Variants in PI4KA observed in about 807,000 individuals in gnomAD.
The protein encoded by PI4KA is PI4-kinase alpha.
PI4KA carries 122 observed loss-of-function variants against 271.4 expected under a neutral mutation model. The observed-to-expected ratio is 0.45, with a 90% CI of 0.39 to 0.52. The LOEUF (loss-of-function observed/expected upper bound fraction) is 0.52, where lower values mean the gene tolerates loss of function less well. PI4KA is among the 20% of genes least tolerant of loss of function. PI4KA has a pLI of 0.00. For synonymous variants in PI4KA, 1,041 were observed against 1,078.8 expected, an observed-to-expected ratio of 0.96 and a Z score of 0.69; for missense variants, 1,969 against 2,769.1, an observed-to-expected ratio of 0.71 and a Z score of 6.48.
intron 9 of PI4KA, among the ~76,000 whole-genome samples, chr22:20,808,031 C>T (rs1304478149): frequency 6.6e-6 from 1 of 152,088 alleles, no homozygotes; most frequent in African/African-American, 2.4e-5. Context: ...TGGCTCACGC[C>T]TGTAATCCCA....
chr22:20,775,771 T>G (rs951612757), intron 19 of PI4KA, among the ~76,000 whole-genome samples: 2 of 152,198 alleles, frequency 1.3e-5, no homozygotes, highest in Admixed American at 6.5e-5. Context: ...ATTACAGGTG[T>G]GAGCCCCTAT....
chr22:20,739,523 T>C (rs1053362094), intron 32 of PI4KA, among the ~76,000 whole-genome samples: 1 of 146,980 alleles, frequency 6.8e-6, no homozygotes, highest in Admixed American at 6.8e-5. Context: ...TCTGGGAAAA[T>C]ATACAGCAGT....
At chr22:20,811,631 C>T (rs1159190340) in intron 8 of PI4KA, among the ~76,000 whole-genome samples, 1 of 148,768 alleles carries the variant, frequency 6.7e-6, no homozygotes, top group Non-Finnish European at 1.5e-5. Flanking sequence ...AAACTGCCCA[C>T]ATCCACAATT....
chr22:20,824,442 T>C (rs754563678), intron 3 of PI4KA, 28 bp from the exon 4 acceptor site: 2 of 1,532,616 alleles, frequency 1.3e-6, no homozygotes, highest in Non-Finnish European at 1.8e-6. Context: ...ATAAATCAGA[T>C]AACCAGGAAC....
chr22:20,828,274 T>C (rs1188858512), intron 3 of PI4KA, among the ~76,000 whole-genome samples: 1 of 152,198 alleles, frequency 6.6e-6, no homozygotes, highest in Non-Finnish European at 1.5e-5. Context: ...TAGGGTTTTC[T>C]AGGTATAAAA....
chr22:20,788,922 T>C (rs1174860115), intron 19 of PI4KA, among the ~76,000 whole-genome samples: 1 of 152,200 alleles, frequency 6.6e-6, no homozygotes, highest in Non-Finnish European at 1.5e-5. Flanking sequence ...TCCTTTGCCA[T>C]GTCTGTCCCA....
At chr22:20,810,677 A>G (rs1935951332) in intron 9 of PI4KA, among the ~76,000 whole-genome samples, 1 of 152,122 alleles carries the variant, frequency 6.6e-6, no homozygotes, top group African/African-American at 2.4e-5. Context: ...CCCAGCTCCC[A>G]CAGTAACTAT....
chr22:20,753,807 C>G (rs1568991351), intron 23 of PI4KA, among the ~76,000 whole-genome samples: 1 of 152,148 alleles, frequency 6.6e-6, no homozygotes, highest in Non-Finnish European at 1.5e-5. Context: ...CTGCCTCAGC[C>G]TCCTGAGCAG....
Position 20,858,672 on chromosome 22 carries a change from G to A in PI4KA, c.54C>T (p.Gly18=). The change falls in exon 1 of 55, where the codon GGC becomes GGT. Residue 18 remains glycine (G), a synonymous_variant. Transcript: ENST00000255882. ...GGGGGGGGGG[G]CSGSGSSASR... Reference sequence around the variant, plus strand: ...AGGCGCTGGAGCCGGAGCCGGAGCAGCCGCCGCCGCCTCCGCCTCCGCCTC... The same window carrying A: ...AGGCGCTGGAGCCGGAGCCGGAGCAACCGCCGCCGCCTCCGCCTCCGCCTC... The A allele has an allele frequency of 6.8e-7, 1 of 1,468,992 alleles. No individual in the cohort carries two copies. The highest frequency in any genetic ancestry group is 1.3e-5 in the South Asian group (1 of 77,286). 91.0% of individuals were successfully genotyped at this position (1,468,992 alleles called of 1,614,324 possible).
Position 20,824,331 on chromosome 22 carries a change from C to G in PI4KA, c.451G>C (p.Asp151His), listed in dbSNP as rs1486186856. The G allele has an allele frequency of 1.3e-5, 21 of 1,604,262 alleles. No individual in the cohort carries two copies. ...DVAYRDPSLRDEILEVLLQVL... is the reference protein window; with the variant it reads ...DVAYRDPSLRHEILEVLLQVL... ...ATCAACCAACACATGCTTACCTCAT[C>G]CCTAAGTGAAGGATCCCTATAGGCC... The change falls in exon 4 of 55, where the codon GAT becomes CAT. Residue 151 changes from aspartate to histidine, a missense_variant. By Grantham distance (81) the Asp-to-His change is moderately conservative. This residue lies in a region of PI4KA where 540 missense variants were observed against 555.5 expected (regional missense o/e 0.97). Coordinates refer to ENST00000255882, the MANE Select transcript of PI4KA (RefSeq NM_058004.4).
At chr22:20,765,861 C>T (rs1289427468) in intron 19 of PI4KA, among the ~76,000 whole-genome samples, 168 bp from the exon 20 acceptor site, 1 of 152,288 alleles carries the variant, frequency 6.6e-6, no homozygotes, top group South Asian at 2.1e-4. Flanking sequence ...TAAGCATTGT[C>T]CATCCACTCA....
intron 1 of PI4KA, among the ~76,000 whole-genome samples, chr22:20,856,509 A>ACTGCAACCTCTGCCTCT (rs1226801397): frequency 6.7e-6 from 1 of 148,264 alleles, no homozygotes. Flanking sequence ...ATCTTGGCTC[A>ACTGCAACCTCTGCCTCT]CTGCAACCTC....
intron 1 of PI4KA, among the ~76,000 whole-genome samples, chr22:20,849,316 T>C (rs1319786949): frequency 1.3e-5 from 2 of 152,162 alleles, no homozygotes; most frequent in Admixed American, 6.5e-5. Context: ...CTAGAGTTAT[T>C]GTATGGCCCA....
chr22:20,799,573 G>A lies in PI4KA; in HGVS notation c.1820+98C>T, dbSNP rs117105896. Reference sequence around the variant, plus strand: ...ACATGCCTATGCTCTGAGACAAGGAGATAAGGACAGAGGCATGCATACGCA... The same window carrying A: ...ACATGCCTATGCTCTGAGACAAGGAAATAAGGACAGAGGCATGCATACGCA... On this transcript the variant is annotated intron_variant, in intron 15 of 54. Transcript: ENST00000255882. The A allele has an allele frequency of 6.4e-3, 5,508 of 856,276 alleles. 52 individuals carry two copies. Among genetic ancestry groups the A allele is most frequent in the East Asian group, 0.048 (1,791 of 37,628 alleles). The allele number at this position is 856,276 out of a possible 1,614,324, so 53.0% of individuals were successfully genotyped here. A position where few individuals can be genotyped will look rare whatever the true frequency, so the allele number is the denominator to read the frequency against.
chr22:20,846,780 T>G (rs994096060), intron 1 of PI4KA, among the ~76,000 whole-genome samples: 1 of 142,286 alleles, frequency 7.0e-6, no homozygotes, highest in Non-Finnish European at 1.5e-5. Context: ...GAAGCAGAGA[T>G]TGCAGTGAAC....
chr22:20,713,135 C>T (rs772728100), intron 48 of PI4KA, 146 bp downstream of exon 48: 119 of 724,088 alleles, frequency 1.6e-4, no homozygotes, highest in Non-Finnish European at 2.2e-4. Flanking sequence ...TTTGCAGAAG[C>T]CCTAATTTAC....
intron 42 of PI4KA, chr22:20,722,131 A>T (rs1037311025): frequency 2.0e-5 from 3 of 152,166 alleles, no homozygotes; most frequent in Admixed American, 6.6e-5. Context: ...AGCCACGTGG[A>T]ACTGTGAGTC....
At chr22:20,827,445 T>C (rs982446049) in intron 3 of PI4KA, among the ~76,000 whole-genome samples, 5 of 152,358 alleles carry the variant, frequency 3.3e-5, no homozygotes, top group African/African-American at 9.6e-5. Flanking sequence ...TTTTGGTTAC[T>C]GTAGCCCTGT....
intron 19 of PI4KA, chr22:20,784,277 C>T (rs1231045436): frequency 4.3e-6 from 7 of 1,613,726 alleles, no homozygotes; most frequent in South Asian, 1.1e-5. Context: ...TTCTTTTGAG[C>T]TCCCAGATGC....
Sources: gnomAD v4.1 joint callset for allele counts (sites outside exome capture counted in the v4.1 genomes callset) on GRCh38, gnomAD v4.1.1 for gene constraint, gnomAD v4.1.1 regional missense constraint, MANE v1.5 for transcripts, NCBI Gene and HGNC (gene_info 2026-07-23, HGNC 2026-07-21) for gene names.